FBXL13: variants seen among roughly 807,000 people sequenced by gnomAD.
FBXL13 encodes the protein F-box and leucine rich repeat protein 13, also known as F-box and leucine-rich repeat protein 13.
FBXL13 carries 67 observed loss-of-function variants against 83.6 expected under a neutral mutation model. That is an observed-to-expected ratio of 0.80 (90% CI 0.66 to 0.98). FBXL13 has a LOEUF of 0.98. Ranked by LOEUF, FBXL13 falls within the 50% of genes least tolerant of loss-of-function variation. FBXL13 has a pLI of 0.00. For missense variants in FBXL13, 822 were observed against 866.5 expected (o/e 0.95, Z 0.64); for synonymous variants, 272 against 299.5 (o/e 0.91, Z 0.95).
At chr7:102,827,193 C>G (rs1238622872) in intron 18 of FBXL13, 1 of 452,150 alleles carries the variant, frequency 2.2e-6, no homozygotes, top group Non-Finnish European at 4.5e-6. Context: ...GCCCTTGAAG[C>G]AGCTCAGCTA....
intron 15 of FBXL13, among the ~76,000 whole-genome samples, chr7:102,878,065 T>A (rs1349342587): frequency 6.6e-6 from 1 of 152,160 alleles, no homozygotes; most frequent in Non-Finnish European, 1.5e-5. Flanking sequence ...CTTGAAAAAG[T>A]ACAGGGAAGC....
At chr7:102,908,164 T>A (rs746402406) in intron 11 of FBXL13, among the ~76,000 whole-genome samples, 1 of 152,196 alleles carries the variant, frequency 6.6e-6, no homozygotes, top group African/African-American at 2.4e-5. Context: ...TTAAGCTCAC[T>A]AATTCTTCTG....
At chr7:102,876,170 C>A (rs981594428) in intron 16 of FBXL13, among the ~76,000 whole-genome samples, 1 of 152,034 alleles carries the variant, frequency 6.6e-6, no homozygotes, top group Non-Finnish European at 1.5e-5. Flanking sequence ...CCAGGAAGAC[C>A]CAGAGGAGCC....
chr7:102,996,761 G>A (rs2129485168), intron 6 of FBXL13, among the ~76,000 whole-genome samples: 1 of 152,274 alleles, frequency 6.6e-6, no homozygotes, highest in South Asian at 2.1e-4. Flanking sequence ...AAAAGAACAT[G>A]AGGCTGGAGG....
chr7:102,890,565 G>C (rs979631766), intron 11 of FBXL13, among the ~76,000 whole-genome samples: 1 of 152,228 alleles, frequency 6.6e-6, no homozygotes, highest in African/African-American at 2.4e-5. Context: ...CCATCATCAT[G>C]AGAAGACAGA....
chr7:102,861,658 C>CA (rs1473197398), intron 16 of FBXL13, among the ~76,000 whole-genome samples: 1 of 152,150 alleles, frequency 6.6e-6, no homozygotes, highest in Non-Finnish European at 1.5e-5. Context: ...TATATAGTAA[C>CA]ATACTTAGGT....
Position 102,939,318 on chromosome 7 carries a change from C to A in FBXL13, c.725-7385G>T. 3 of 854,870 alleles carry A rather than the reference C, an allele frequency of 3.5e-6. No homozygotes were observed. The South Asian group carries it at 5.7e-5, about 16-fold the overall frequency. 53.0% of individuals were successfully genotyped at this position (854,870 alleles called of 1,614,324 possible). A position where few individuals can be genotyped will look rare whatever the true frequency, so the allele number is the denominator to read the frequency against. ...ACTAACTTTCTTTGGCTTTAGATAT[C>A]CCTTTACCCCTTCTCTTTAAGAGCT... On this transcript the variant is annotated intron_variant, in intron 8 of 19. Coordinates refer to ENST00000313221, the Ensembl canonical transcript of FBXL13.
At chr7:102,993,519 C>T (rs1829790971) in intron 6 of FBXL13, among the ~76,000 whole-genome samples, 1 of 151,390 alleles carries the variant, frequency 6.6e-6, no homozygotes, top group African/African-American at 2.4e-5. Flanking sequence ...TTTTAAGAAA[C>T]TGCATTACTT....
At chr7:103,059,909 A>G (rs1797685537) in intron 1 of FBXL13, among the ~76,000 whole-genome samples, 1 of 151,404 alleles carries the variant, frequency 6.6e-6, no homozygotes, top group African/African-American at 2.4e-5. Context: ...TCCTTAAAAA[A>G]GGGGGATAAT....
rs28722504 is a variant in FBXL13, at chr7:102,843,304, G to A, written c.1720-10330C>T. On this transcript the variant is annotated intron_variant, in intron 17 of 19. Coordinates refer to ENST00000313221, the Ensembl canonical transcript of FBXL13. The stretch of plus-strand genomic sequence containing the variant: ...ACTAAAAATACAAAATTACCTGGGC[G>A]TGGTGGCGCATGCCTGTAATCCCAG... Among the ~76,000 whole-genome samples, 1,287 of 151,826 alleles carry A rather than the reference G, an allele frequency of 8.5e-3. 22 individuals are homozygous for A. The highest frequency in any genetic ancestry group is 0.03 in the African/African-American group (1,227 of 41,368).
intron 2 of FBXL13, among the ~76,000 whole-genome samples, chr7:103,039,822 G>A (rs1795476755): frequency 6.6e-6 from 1 of 151,940 alleles, no homozygotes; most frequent in Non-Finnish European, 1.5e-5. Context: ...AGCTCCTGGT[G>A]GAAGCACTAA....
Position 102,976,651 on chromosome 7 carries a change from C to T in FBXL13, c.496-8534G>A, listed in dbSNP as rs534704303. Reference sequence around the variant, plus strand: ...AGTCGCAAAACACCACACTCCCGTCCGTCCACATTACCCTTAAAGAGCCCA... The same window carrying T: ...AGTCGCAAAACACCACACTCCCGTCTGTCCACATTACCCTTAAAGAGCCCA... On this transcript the variant is annotated intron_variant, in intron 6 of 19. Coordinates refer to ENST00000313221, the Ensembl canonical transcript of FBXL13. Among the ~76,000 whole-genome samples, 166 of 152,152 alleles carry T rather than the reference C, an allele frequency of 1.1e-3. 1 individual carries two copies. Among genetic ancestry groups the T allele is most frequent in the South Asian group, 6.9e-3 (33 of 4,812 alleles).
At chr7:102,866,493 G>A (rs1054956366) in intron 16 of FBXL13, among the ~76,000 whole-genome samples, 3 of 152,188 alleles carry the variant, frequency 2.0e-5, no homozygotes, top group African/African-American at 7.2e-5. Flanking sequence ...TTCTTGTTAT[G>A]TGCTTTTTGA....
intron 8 of FBXL13, among the ~76,000 whole-genome samples, chr7:102,958,514 C>T (rs1824651138): frequency 1.5e-5 from 2 of 137,514 alleles, no homozygotes; most frequent in African/African-American, 5.4e-5. Context: ...TGCACATGTA[C>T]CCTAGAACTT....
chr7:103,054,620 A>G (rs562065762), intron 2 of FBXL13, among the ~76,000 whole-genome samples: 1 of 152,254 alleles, frequency 6.6e-6, no homozygotes, highest in South Asian at 2.1e-4. Flanking sequence ...TTTAAGTTGG[A>G]TGTCAATAAT....
chr7:102,896,046 G>A (rs1328144831), intron 11 of FBXL13, among the ~76,000 whole-genome samples: 1 of 152,238 alleles, frequency 6.6e-6, no homozygotes, highest in Non-Finnish European at 1.5e-5. Context: ...CCTGCAGCAT[G>A]AGCCTGCTTA....
intron 6 of FBXL13, among the ~76,000 whole-genome samples, chr7:103,023,739 T>A (rs1286263470): frequency 6.6e-6 from 1 of 152,100 alleles, no homozygotes; most frequent in Middle Eastern, 3.2e-3. Context: ...CCATCAACAG[T>A]AGACTGGATT....
chr7:102,918,527 C>T lies in FBXL13; in HGVS notation c.879-5312G>A, dbSNP rs80092053. ...ATAATTTGTAATGTGATATAAACTA[C>T]ACCCTGGGTCACACAGAGTGGATCA... On this transcript the variant is annotated intron_variant, in intron 10 of 19. Transcript: ENST00000313221. Among the ~76,000 whole-genome samples the T allele has an allele frequency of 6.4e-3, 981 of 152,314 alleles. 21 individuals carry two copies. The highest frequency in any genetic ancestry group is 0.058 in the East Asian group (299 of 5,190).
intron 1 of FBXL13, among the ~76,000 whole-genome samples, chr7:103,060,844 C>T (rs1797833834): frequency 1.3e-5 from 2 of 152,204 alleles, no homozygotes; most frequent in Non-Finnish European, 2.9e-5. Flanking sequence ...AAAGTCCCTT[C>T]CATTTCCCTA....
Sources: allele counts gnomAD v4.1 joint callset (sites outside exome capture counted in the v4.1 genomes callset), GRCh38; gene constraint gnomAD v4.1.1; transcripts MANE v1.5; gene names NCBI Gene and HGNC (gene_info 2026-07-23, HGNC 2026-07-21).